Variants in FAP observed in about 807,000 individuals in gnomAD.
The protein encoded by FAP is prolyl endopeptidase FAP.
A neutral mutation model predicts 126.5 loss-of-function variants in FAP; 110 were observed. The ratio of observed to expected loss-of-function variants is 0.87; its 90% CI spans 0.74 to 1.02. The LOEUF is 1.02. Ranked by LOEUF, FAP falls within the 50% of genes least tolerant of loss-of-function variation. The pLI is 0.00. For synonymous variants in FAP, 334 were observed against 297.3 expected (o/e 1.12, Z -1.27); for missense variants, 919 against 909.2 (o/e 1.01, Z -0.14).
Position 162,200,600 on chromosome 2 carries a change from A to T in FAP, c.1243T>A (p.Phe415Ile), listed in dbSNP as rs757184179. 1 of 1,462,510 alleles carries T rather than the reference A, an allele frequency of 6.8e-7. No individual in the cohort carries two copies. The highest frequency in any genetic ancestry group is 1.4e-5 in the African/African-American group (1 of 70,148). The allele number at this position is 1,462,510 out of a possible 1,614,324, so 90.6% of individuals were successfully genotyped here. A position where few individuals can be genotyped will look rare whatever the true frequency, so the allele number is the denominator to read the frequency against. ...TTTCTTCTTCCAGGGTATTCTTCAAATTCATTGCTAGAATAAAACCTGAAA... is the reference window on the plus strand; with the variant it reads ...TTTCTTCTTCCAGGGTATTCTTCAATTTCATTGCTAGAATAAAACCTGAAA... ...QDSLFYSSNE[F>I]EEYPGRRNIY... is the part of the protein sequence containing the mutation. Residue 415 changes from phenylalanine to isoleucine, a missense_variant, in exon 15 of 26, where the codon TTT becomes ATT. Transcript: ENST00000188790.
intron 21 of FAP, among the ~76,000 whole-genome samples, chr2:162,180,000 G>A (rs1687641893): frequency 2.0e-5 from 3 of 151,634 alleles, no homozygotes; most frequent in South Asian, 4.2e-4. Context: ...GTAGAGACGG[G>A]GTTTCGTCAT....
At chr2:162,229,963 A>C (rs890094905) in intron 2 of FAP, among the ~76,000 whole-genome samples, 1 of 152,222 alleles carries the variant, frequency 6.6e-6, no homozygotes, top group African/African-American at 2.4e-5. Flanking sequence ...TGGATGTATG[A>C]ATAACATATC....
At position 162,189,661 on chromosome 2, in the gene FAP, T is replaced by C; in HGVS notation, c.1544A>G (p.Glu515Gly). The C allele has an allele frequency of 1.3e-6, 2 of 1,524,000 alleles. No homozygotes were observed. Among genetic ancestry groups the C allele is most frequent in the Non-Finnish European group, 9.0e-7 (1 of 1,111,082 alleles). The allele number at this position is 1,524,000 out of a possible 1,614,324, so 94.4% of individuals were successfully genotyped here. ...AAGTTTTTAAAAGATCTTACTAATT[T>C]CATCTACTTCAAGTTTCTTAATTTC... ...KEEIKKLEVD[E>G]ITLWYKMILP... Residue 515 changes from glutamate (E) to glycine (G), a missense_variant, in exon 18 of 26, where the codon GAA becomes GGA. Transcript: ENST00000188790.
intron 21 of FAP, among the ~76,000 whole-genome samples, chr2:162,181,484 C>T (rs1687694951): frequency 6.6e-6 from 1 of 152,156 alleles, no homozygotes; most frequent in Non-Finnish European, 1.5e-5. Context: ...AGCTCAGTCT[C>T]CCTGTGTGCA....
chr2:162,192,670 G>A (rs1276289551), intron 17 of FAP, among the ~76,000 whole-genome samples: 2 of 152,046 alleles, frequency 1.3e-5, no homozygotes, highest in Non-Finnish European at 2.9e-5. Context: ...CCAAAATGAT[G>A]TCACTACAGA....
intron 6 of FAP, among the ~76,000 whole-genome samples, chr2:162,220,837 TG>T (rs1689358317): frequency 6.6e-6 from 1 of 152,192 alleles, no homozygotes; most frequent in Admixed American, 6.5e-5. Context: ...TCTTGAAGAT[TG>T]TATTAACAGT....
In FAP at chr2:162,170,847, C is replaced by T. The variant is rs757164382; in HGVS notation, c.*132G>A. On this transcript the variant is annotated 3_prime_UTR_variant, in exon 26 of 26. Transcript: ENST00000188790. ...TTCTGAGTCCTCATCTTTTTTTTAACAGCCTTTAGAACAACATTAATTTGT... is the reference window on the plus strand; with the variant it reads ...TTCTGAGTCCTCATCTTTTTTTTAATAGCCTTTAGAACAACATTAATTTGT... The T allele has an allele frequency of 1.1e-5, 7 of 616,938 alleles. No homozygotes were observed. Among genetic ancestry groups the T allele is most frequent in the Non-Finnish European group, 2.0e-5 (7 of 358,296 alleles). The allele number at this position is 616,938 out of a possible 1,614,324, so 38.2% of individuals were successfully genotyped here. A position where few individuals can be genotyped will look rare whatever the true frequency, so the allele number is the denominator to read the frequency against.
chr2:162,177,220 T>C (rs946990589), intron 21 of FAP, among the ~76,000 whole-genome samples: 1 of 152,292 alleles, frequency 6.6e-6, no homozygotes, highest in East Asian at 1.9e-4. Context: ...AAATGAGGGA[T>C]ATCTTTAAAA....
chr2:162,203,363 G>T (rs72871612), intron 12 of FAP, among the ~76,000 whole-genome samples: 1 of 152,106 alleles, frequency 6.6e-6, no homozygotes, highest in Admixed American at 6.6e-5. Context: ...CCACTGCTTG[G>T]CTGCTACTGC....
chr2:162,189,631 A>T (rs1189700159), intron 18 of FAP, 25 bp downstream of exon 18: 2 of 1,300,928 alleles, frequency 1.5e-6, no homozygotes, highest in African/African-American at 1.5e-5. Context: ...ATATCTATAA[A>T]TGAGAAGTTT....
chr2:162,186,561 G>T (rs149518367), intron 20 of FAP, among the ~76,000 whole-genome samples: 1 of 152,126 alleles, frequency 6.6e-6, no homozygotes, highest in East Asian at 1.9e-4. Flanking sequence ...ATATTTTGTT[G>T]TTACTGGTGG....
chr2:162,170,725 A>G lies in FAP; in HGVS notation c.*254T>C. 1 of 390,396 alleles carries G rather than the reference A, an allele frequency of 2.6e-6. No homozygotes were observed. The highest frequency in any genetic ancestry group is 4.6e-6 in the Non-Finnish European group (1 of 215,600). 24.2% of individuals were successfully genotyped at this position (390,396 alleles called of 1,614,324 possible). A position where few individuals can be genotyped will look rare whatever the true frequency, so the allele number is the denominator to read the frequency against. The stretch of plus-strand genomic sequence containing the variant: ...GACTTTATTATTTTTCTTCAAATGA[A>G]CAGGTGATAAAACACTGTGTCCAAA... On this transcript the variant is annotated 3_prime_UTR_variant, in exon 26 of 26. Coordinates refer to ENST00000188790, the MANE Select transcript of FAP (RefSeq NM_004460.5).
intron 12 of FAP, among the ~76,000 whole-genome samples, chr2:162,203,533 C>T (rs976598975): frequency 1.3e-5 from 2 of 152,168 alleles, no homozygotes; most frequent in African/African-American, 2.4e-5. Context: ...TTGACTATAC[C>T]TCTTTTAATT....
chr2:162,214,059 C>T lies in FAP; in HGVS notation c.881G>A (p.Ser294Asn), dbSNP rs1689068647. Reference sequence around the variant, plus strand: ...TTCATCAGTAACCCACGTGAGCCAACTGAAATAATAATCACTGCAAATAAA... The same window carrying T: ...TTCATCAGTAACCCACGTGAGCCAATTGAAATAATAATCACTGCAAATAAA... ...AMIASSDYYF[S>N]WLTWVTDERV... The change falls in exon 11 of 26, where the codon AGT (serine) becomes AAT (asparagine). Residue 294 changes from serine to asparagine, a missense_variant. Physicochemically the swap from Ser to Asn is conservative, Grantham distance 46. Coordinates refer to ENST00000188790, the MANE Select transcript of FAP (RefSeq NM_004460.5). 2 of 1,613,780 alleles carry T rather than the reference C, an allele frequency of 1.2e-6. No individual in the cohort carries two copies. The highest frequency in any genetic ancestry group is 1.7e-6 in the Non-Finnish European group (2 of 1,179,918).
chr2:162,240,121 A>G (rs1690288910), intron 2 of FAP, among the ~76,000 whole-genome samples: 1 of 152,206 alleles, frequency 6.6e-6, no homozygotes, highest in South Asian at 2.1e-4. Context: ...TGGAGGTAGG[A>G]GAGAGGAAAG....
chr2:162,214,810 T>G (rs1260920185), intron 10 of FAP, among the ~76,000 whole-genome samples: 1 of 152,082 alleles, frequency 6.6e-6, no homozygotes, highest in Non-Finnish European at 1.5e-5. Context: ...AACTCTTCTA[T>G]TTTTATATAA....
At chr2:162,225,793 C>G (rs1033911014) in intron 3 of FAP, among the ~76,000 whole-genome samples, 1 of 152,116 alleles carries the variant, frequency 6.6e-6, no homozygotes, top group African/African-American at 2.4e-5. Context: ...TTGCAAACAG[C>G]AGCCCTATTT....
chr2:162,202,836 A>C (rs775036176), intron 14 of FAP, 36 bp downstream of exon 14: 1 of 1,533,592 alleles, frequency 6.5e-7, no homozygotes, highest in African/African-American at 1.4e-5. Flanking sequence ...GCCAATTAAA[A>C]CCTGAATGGT....
intron 8 of FAP, 126 bp downstream of exon 8, chr2:162,218,937 G>T: frequency 1.4e-6 from 1 of 703,216 alleles, no homozygotes; most frequent in Non-Finnish European, 2.1e-6. Context: ...GTAACCTAGA[G>T]ACAATTTTCA....
Sources: gnomAD v4.1 joint callset for allele counts (sites outside exome capture counted in the v4.1 genomes callset) on GRCh38, gnomAD v4.1.1 for gene constraint, MANE v1.5 for transcripts, NCBI Gene and HGNC (gene_info 2026-07-23, HGNC 2026-07-21) for gene names.